SHOC1: variants seen among roughly 807,000 people sequenced by gnomAD.
SHOC1 encodes the protein protein shortage in chiasmata 1 ortholog.
Under a neutral mutation model 179.2 loss-of-function variants are expected in SHOC1, and 136 were observed. That is an observed-to-expected ratio of 0.76 (90% CI 0.66 to 0.87). The LOEUF (loss-of-function observed/expected upper bound fraction) is 0.87. SHOC1 is among the 40% of genes least tolerant of loss of function. The pLI is 0.00. For synonymous variants in SHOC1, 489 were observed against 586.6 expected (o/e 0.83, Z 2.41); for missense variants, 1,538 against 1,700.8 (o/e 0.90, Z 1.68).
intron 24 of SHOC1, among the ~76,000 whole-genome samples, chr9:111,695,855 C>A (rs1831663974): frequency 6.6e-6 from 1 of 152,136 alleles, no homozygotes; most frequent in South Asian, 2.1e-4. Context: ...AGAAAGATAT[C>A]TTTTGTTTCC....
chr9:111,723,887 A>G lies in SHOC1; in HGVS notation c.1859T>C (p.Leu620Pro). The G allele has an allele frequency of 6.4e-7, 1 of 1,568,922 alleles. No individual in the cohort carries two copies. The change falls in exon 14 of 28, where the codon CTT (leucine) becomes CCT (proline). Residue 620 changes from leucine (L) to proline (P), a missense_variant. Coordinates refer to ENST00000682961, the MANE Select transcript of SHOC1 (RefSeq NM_001378211.1). ...KHDKEACSLT[L>P]QEESPIVHIN... is the part of the protein sequence containing the mutation. ...ATGAACAATAGGACTTTCTTCTTGA[A>G]GTGTCAAAGAACATGCTTCTTTATC...
chr9:111,737,845 T>C (rs957105583), intron 12 of SHOC1: 2 of 174,068 alleles, frequency 1.1e-5, no homozygotes, highest in African/African-American at 4.7e-5. Flanking sequence ...TAGTATACTT[T>C]TAAGTAACAA....
intron 3 of SHOC1, among the ~76,000 whole-genome samples, chr9:111,783,135 C>T (rs917318082): frequency 1.3e-5 from 2 of 152,078 alleles, no homozygotes; most frequent in Non-Finnish European, 2.9e-5. Context: ...AAAAATCACA[C>T]ATAAAAAACA....
At chr9:111,734,586 A>G (rs755227415) in intron 12 of SHOC1, among the ~76,000 whole-genome samples, 3 of 152,222 alleles carry the variant, frequency 2.0e-5, no homozygotes, top group Non-Finnish European at 4.4e-5. Flanking sequence ...TTTATAAGGA[A>G]TATTCAAGAA....
intron 11 of SHOC1, among the ~76,000 whole-genome samples, 155 bp from the exon 12 acceptor site, chr9:111,738,677 C>A (rs1050772787): frequency 6.6e-6 from 1 of 152,082 alleles, no homozygotes; most frequent in Non-Finnish European, 1.5e-5. Context: ...GTATTTTTGT[C>A]TCAAGATGCT....
intron 20 of SHOC1, 47 bp from the exon 21 acceptor site, chr9:111,705,411 C>CTAAAAAAA: frequency 1.1e-6 from 1 of 881,656 alleles, no homozygotes; most frequent in Non-Finnish European, 1.6e-6. Flanking sequence ...TTCTCATCTC[C>CTAAAAAAA]CAGCTCTTTC....
chr9:111,788,945 T>C (rs1346089931), intron 2 of SHOC1, among the ~76,000 whole-genome samples: 1 of 151,944 alleles, frequency 6.6e-6, no homozygotes, highest in Non-Finnish European at 1.5e-5. Flanking sequence ...CGTTCAGTGG[T>C]CACTCGCTGG....
At chr9:111,768,536 T>A (rs1245134466) in intron 5 of SHOC1, among the ~76,000 whole-genome samples, 1 of 152,190 alleles carries the variant, frequency 6.6e-6, no homozygotes, top group African/African-American at 2.4e-5. Context: ...TGATTTTGTG[T>A]TCTGCAACTT....
intron 1 of SHOC1, among the ~76,000 whole-genome samples, chr9:111,792,681 T>C (rs912737166): frequency 3.3e-5 from 5 of 152,222 alleles, no homozygotes; most frequent in African/African-American, 7.2e-5. Flanking sequence ...TATTACAATA[T>C]GTTTTCCAAT....
At chr9:111,714,023 T>C (rs1297601238) in intron 17 of SHOC1, among the ~76,000 whole-genome samples, 3 of 152,160 alleles carry the variant, frequency 2.0e-5, no homozygotes, top group African/African-American at 7.2e-5. Flanking sequence ...AAAGTTTGTT[T>C]ATTTATTTAG....
intron 8 of SHOC1, among the ~76,000 whole-genome samples, chr9:111,749,562 G>A (rs13300740): frequency 0.055 from 8,412 of 151,786 alleles, 565 homozygotes; most frequent in African/African-American, 0.16. Flanking sequence ...GGATGTGCAC[G>A]TTTGTTACAT....
At chr9:111,768,790 G>A (rs1235842012) in intron 5 of SHOC1, among the ~76,000 whole-genome samples, 6 of 151,946 alleles carry the variant, frequency 3.9e-5, no homozygotes. Context: ...AGGACTTCAC[G>A]TTTTATGTTG....
intron 2 of SHOC1, among the ~76,000 whole-genome samples, chr9:111,790,984 T>C (rs780897177): frequency 6.6e-6 from 1 of 152,214 alleles, no homozygotes; most frequent in Non-Finnish European, 1.5e-5. Context: ...AAATTTGAAA[T>C]CCAAAATCCA....
chr9:111,708,445 C>T (rs1385123224), intron 18 of SHOC1, among the ~76,000 whole-genome samples: 1 of 151,948 alleles, frequency 6.6e-6, no homozygotes, highest in Non-Finnish European at 1.5e-5. Flanking sequence ...TCAAGTGAAC[C>T]CCCACCTCAG....
rs1589446862 is a variant in SHOC1, at chr9:111,756,229, T to G, written c.862+96A>C. ...TAACTTGCAGAACATTTTTGCAAAA[T>G]CTGGAGGTTCAGAAAAATTTTAATA... On this transcript the variant is annotated intron_variant, in intron 8 of 27. Coordinates refer to ENST00000682961, the MANE Select transcript of SHOC1 (RefSeq NM_001378211.1). 9 of 974,382 alleles carry G rather than the reference T, an allele frequency of 9.2e-6. No individual in the cohort carries two copies. The East Asian group carries it at 2.6e-4, about 29-fold the overall frequency. 60.4% of individuals were successfully genotyped at this position (974,382 alleles called of 1,614,324 possible).
rs549633569 is a variant in SHOC1, at chr9:111,783,153, A to G, written c.170-2136T>C. On this transcript the variant is annotated intron_variant, in intron 3 of 27. Coordinates refer to ENST00000682961, the MANE Select transcript of SHOC1 (RefSeq NM_001378211.1). ...AATCACACATAAAAAACAAAAAAGA[A>G]TAACTCTTTACTCCACTTCTCCCAT... Among the ~76,000 whole-genome samples, 12 of 152,374 alleles carry G rather than the reference A, an allele frequency of 7.9e-5. No individual in the cohort carries two copies. The East Asian group carries it at 2.3e-3, about 29-fold the overall frequency.
intron 5 of SHOC1, chr9:111,759,259 C>T (rs374204923): frequency 6.2e-5 from 100 of 1,613,402 alleles, no homozygotes; most frequent in Non-Finnish European, 8.2e-5. Flanking sequence ...CTCTTAATAT[C>T]TCCAATTCAT....
chr9:111,794,145 T>G (rs1242034890), intron 1 of SHOC1, among the ~76,000 whole-genome samples: 1 of 149,978 alleles, frequency 6.7e-6, no homozygotes, highest in African/African-American at 2.4e-5. Flanking sequence ...AGCCACCATA[T>G]GCCAGGCCCC....
intron 1 of SHOC1, among the ~76,000 whole-genome samples, chr9:111,794,623 G>A (rs1489111764): frequency 1.3e-5 from 2 of 152,184 alleles, no homozygotes; most frequent in Middle Eastern, 3.4e-3. Context: ...AGAAGGCGAG[G>A]TGCACCTATT....
Sources: gnomAD v4.1 joint callset for allele counts (sites outside exome capture counted in the v4.1 genomes callset) on GRCh38, gnomAD v4.1.1 for gene constraint, MANE v1.5 for transcripts, NCBI Gene and HGNC (gene_info 2026-07-23, HGNC 2026-07-21) for gene names.